The following KCNH8 variants were observed in gnomAD, a reference collection of about 807,000 sequenced individuals.
KCNH8 encodes voltage-gated delayed rectifier potassium channel KCNH8.
A neutral mutation model predicts 103.6 loss-of-function variants in KCNH8; 70 were observed. The observed-to-expected ratio is 0.68, with a 90% CI of 0.56 to 0.82. The LOEUF is 0.82. KCNH8 is among the 40% of genes least tolerant of loss of function. The pLI is 0.00. For synonymous variants in KCNH8, 498 were observed against 489.4 expected (o/e 1.02, Z -0.23); for missense variants, 1,217 against 1,329.9 (o/e 0.92, Z 1.32).
At chr3:19,338,640 T>C (rs1267076796) in intron 3 of KCNH8, among the ~76,000 whole-genome samples, 1 of 152,116 alleles carries the variant, frequency 6.6e-6, no homozygotes, top group Non-Finnish European at 1.5e-5. Context: ...TAGCCTCTTG[T>C]GCAGCTGGTT....
At chr3:19,335,164 C>CTTTAAA (rs2065565506) in intron 3 of KCNH8, among the ~76,000 whole-genome samples, 1 of 151,626 alleles carries the variant, frequency 6.6e-6, no homozygotes, top group Non-Finnish European at 1.5e-5. Flanking sequence ...AAGATTCCTT[C>CTTTAAA]TATTGCTTAT....
At chr3:19,283,054 A>G (rs1378589805) in intron 3 of KCNH8, among the ~76,000 whole-genome samples, 2 of 152,138 alleles carry the variant, frequency 1.3e-5, no homozygotes, top group East Asian at 3.9e-4. Context: ...CTAAAGAGAG[A>G]GAAGACAAAG....
At chr3:19,502,036 C>T (rs2068596081) in intron 11 of KCNH8, among the ~76,000 whole-genome samples, 1 of 150,792 alleles carries the variant, frequency 6.6e-6, no homozygotes, top group South Asian at 2.1e-4. Flanking sequence ...TTGTCTCAGC[C>T]CAAAATCTCC....
chr3:19,197,200 A>G (rs1448703456), intron 1 of KCNH8, among the ~76,000 whole-genome samples: 2 of 151,950 alleles, frequency 1.3e-5, no homozygotes, highest in African/African-American at 4.8e-5. Flanking sequence ...AAATATTTTG[A>G]ACTGTTGACT....
At chr3:19,308,719 CCCCTCTCTCCCTCTCTCCCTCTCT>C (rs1374373114) in intron 3 of KCNH8, among the ~76,000 whole-genome samples, 2 of 12,236 alleles carry the variant, frequency 1.6e-4, no homozygotes, top group Admixed American at 1.0e-3. Context: ...TCTCTCTCTC[CCCCTCTCTCCCTCTCTCCCTCTCT>C]CCCTCTCTCC....
chr3:19,385,904 C>T (rs1163634251), intron 5 of KCNH8, among the ~76,000 whole-genome samples: 1 of 152,138 alleles, frequency 6.6e-6, no homozygotes, highest in Non-Finnish European at 1.5e-5. Flanking sequence ...TAAATGAAGA[C>T]ATTAATTATT....
intron 11 of KCNH8, among the ~76,000 whole-genome samples, chr3:19,489,712 TC>T (rs2068279776): frequency 6.6e-6 from 1 of 151,416 alleles, no homozygotes. Flanking sequence ...AACACCACAC[TC>T]ACACCACACT....
At chr3:19,360,240 G>A (rs77035887) in intron 5 of KCNH8, among the ~76,000 whole-genome samples, 1 of 152,046 alleles carries the variant, frequency 6.6e-6, no homozygotes, top group Non-Finnish European at 1.5e-5. Flanking sequence ...GGTTTGCTGG[G>A]TTATTGTTTG....
chr3:19,511,032 A>G (rs1271456666), intron 12 of KCNH8, among the ~76,000 whole-genome samples: 1 of 152,158 alleles, frequency 6.6e-6, no homozygotes, highest in Admixed American at 6.5e-5. Flanking sequence ...TCTGGGTTAC[A>G]TGTGCAGAAT....
chr3:19,398,051 G>A (rs2066550594), intron 7 of KCNH8, among the ~76,000 whole-genome samples: 1 of 151,880 alleles, frequency 6.6e-6, no homozygotes, highest in Non-Finnish European at 1.5e-5. Flanking sequence ...TGATGAGAGA[G>A]CATGTTGTTC....
chr3:19,273,241 AG>A (rs2064615975), intron 2 of KCNH8, among the ~76,000 whole-genome samples: 1 of 152,216 alleles, frequency 6.6e-6, no homozygotes, highest in South Asian at 2.1e-4. Context: ...TCTCATTTAA[AG>A]CAAGTTATTT....
intron 1 of KCNH8, among the ~76,000 whole-genome samples, chr3:19,252,938 T>G (rs778214877): frequency 6.6e-6 from 1 of 152,036 alleles, no homozygotes; most frequent in African/African-American, 2.4e-5. Context: ...CTCTGGAGAG[T>G]GCACTTAGCT....
intron 3 of KCNH8, among the ~76,000 whole-genome samples, chr3:19,330,131 G>A (rs754838363): frequency 3.3e-5 from 5 of 152,078 alleles, no homozygotes; most frequent in African/African-American, 7.2e-5. Flanking sequence ...CACGCATAAT[G>A]TGTGTAATAT....
chr3:19,267,845 C>A (rs2064534097), intron 2 of KCNH8, among the ~76,000 whole-genome samples: 1 of 152,100 alleles, frequency 6.6e-6, no homozygotes, highest in African/African-American at 2.4e-5. Context: ...GAGCAATTAA[C>A]TTCAACTTCC....
rs567013187 is a variant in KCNH8 at position 19,529,670 on chromosome 3, A to T, written c.2620-3725A>T. Among the ~76,000 whole-genome samples the T allele has an allele frequency of 1.2e-4, 19 of 152,318 alleles. No homozygotes were observed. The East Asian group carries it at 3.7e-3, about 29-fold the overall frequency. The stretch of plus-strand genomic sequence containing the variant: ...AAAACTTGATGGCATTTTCTGTGGC[A>T]GTATGTTGTCACCTTTACTATCACC... On this transcript the variant is annotated intron_variant, in intron 15 of 15. Transcript: ENST00000328405.
intron 1 of KCNH8, among the ~76,000 whole-genome samples, chr3:19,222,158 A>G (rs1043328477): frequency 2.0e-5 from 3 of 152,158 alleles, no homozygotes; most frequent in Admixed American, 6.5e-5. Context: ...CTAGCATCCT[A>G]TATTTATAGA....
At chr3:19,474,555 T>A (rs530029682) in intron 11 of KCNH8, among the ~76,000 whole-genome samples, 1 of 152,210 alleles carries the variant, frequency 6.6e-6, no homozygotes, top group African/African-American at 2.4e-5. Context: ...CATGTGGTGA[T>A]GACAACTCTG....
chr3:19,410,056 A>G (rs1373480371), intron 7 of KCNH8, among the ~76,000 whole-genome samples: 4 of 152,140 alleles, frequency 2.6e-5, no homozygotes, highest in South Asian at 2.1e-4. Context: ...CCACCCATCA[A>G]CTATAGAATA....
chr3:19,357,749 A>T (rs758372842), intron 5 of KCNH8, among the ~76,000 whole-genome samples: 1 of 151,908 alleles, frequency 6.6e-6, no homozygotes, highest in Non-Finnish European at 1.5e-5. Context: ...AAGTAACATG[A>T]TATGCAAGTA....
Sources: gnomAD v4.1 joint callset for allele counts (sites outside exome capture counted in the v4.1 genomes callset) on GRCh38, gnomAD v4.1.1 for gene constraint, MANE v1.5 for transcripts, NCBI Gene and HGNC (gene_info 2026-07-23, HGNC 2026-07-21) for gene names.